Variants in ADGRV1 observed in about 807,000 individuals in gnomAD.
The protein encoded by ADGRV1 is G-protein coupled receptor 98.
A neutral mutation model predicts 596.2 loss-of-function variants in ADGRV1; 359 were observed. That is an observed-to-expected ratio of 0.60 (90% CI 0.55 to 0.66). The LOEUF is 0.66. ADGRV1 is among the 30% of genes least tolerant of loss of function. The pLI is 0.00. For missense variants in ADGRV1, 7,274 were observed against 7,575.6 expected, an observed-to-expected ratio of 0.96 and a Z score of 1.48; for synonymous variants, 2,681 against 2,679.2, an observed-to-expected ratio of 1.00 and a Z score of -0.02.
intron 87 of ADGRV1, among the ~76,000 whole-genome samples, chr5:91,123,529 C>T (rs1409921583): frequency 6.6e-6 from 1 of 152,104 alleles, no homozygotes; most frequent in African/African-American, 2.4e-5. Flanking sequence ...GCCCTCATGA[C>T]CTAATCACCT....
intron 50 of ADGRV1, among the ~76,000 whole-genome samples, chr5:90,738,298 T>C (rs781168289): frequency 5.9e-5 from 9 of 152,136 alleles, no homozygotes; most frequent in Non-Finnish European, 1.3e-4. Flanking sequence ...GCTACAGTTA[T>C]TTTTAATAGT....
intron 29 of ADGRV1, 27 bp downstream of exon 29, chr5:90,686,022 A>G (rs1745581946): frequency 6.8e-7 from 1 of 1,476,736 alleles, no homozygotes; most frequent in Non-Finnish European, 9.2e-7. Flanking sequence ...AAAAAGCAGT[A>G]CATACAGAGG....
intron 58 of ADGRV1, among the ~76,000 whole-genome samples, chr5:90,761,887 T>C (rs1418135444): frequency 1.3e-5 from 2 of 152,232 alleles, no homozygotes; most frequent in Non-Finnish European, 2.9e-5. Context: ...ATCCTGTCTT[T>C]CCTATCACAA....
chr5:91,022,664 T>TA (rs1783737333), intron 85 of ADGRV1, among the ~76,000 whole-genome samples: 1 of 152,266 alleles, frequency 6.6e-6, no homozygotes, highest in South Asian at 2.1e-4. Flanking sequence ...TTGAAATGGC[T>TA]AACACCCATT....
At position 90,821,496 on chromosome 5, in the gene ADGRV1, G is replaced by T. The variant is rs1464169553; in HGVS notation, c.16197-1929G>T. The stretch of plus-strand genomic sequence containing the variant: ...CTTTGGAGGAGGAGAGGCGCTCTGC[G>T]TTTTAGAGTTTCCAGTTTTTCTGTT... On this transcript the variant is annotated intron_variant, in intron 75 of 89. Coordinates refer to ENST00000405460, the MANE Select transcript of ADGRV1 (RefSeq NM_032119.4). Among the ~76,000 whole-genome samples, 1,068 of 150,846 alleles carry T rather than the reference G, an allele frequency of 7.1e-3. 6 individuals carry two copies. Among genetic ancestry groups the T allele is most frequent in the African/African-American group, 0.025 (1,017 of 40,996 alleles).
intron 85 of ADGRV1, among the ~76,000 whole-genome samples, chr5:91,015,104 A>G (rs1562092515): frequency 6.6e-6 from 1 of 151,976 alleles, no homozygotes; most frequent in African/African-American, 2.4e-5. Flanking sequence ...GTTTTGAAGA[A>G]CTTCTTGATT....
chr5:90,751,724 G>C (rs1247567078), intron 53 of ADGRV1, among the ~76,000 whole-genome samples: 1 of 152,014 alleles, frequency 6.6e-6, no homozygotes, highest in Admixed American at 6.5e-5. Context: ...TCATGGAACT[G>C]TCTCAAAAAA....
chr5:91,100,263 A>C (rs774068484), intron 86 of ADGRV1, among the ~76,000 whole-genome samples: 37 of 152,166 alleles, frequency 2.4e-4, no homozygotes, highest in Non-Finnish European at 5.9e-5. Flanking sequence ...CTATACAAAA[A>C]GTACAAAAAT....
intron 84 of ADGRV1, among the ~76,000 whole-genome samples, chr5:90,979,217 G>A (rs10056721): frequency 0.16 from 24,184 of 150,528 alleles, 2,665 homozygotes; most frequent in African/African-American, 0.31. Flanking sequence ...CACTGCAGCT[G>A]GAGTGCAGTG....
At chr5:90,735,900 A>G (rs562478584) in intron 50 of ADGRV1, among the ~76,000 whole-genome samples, 27 of 152,244 alleles carry the variant, frequency 1.8e-4, no homozygotes, top group Non-Finnish European at 3.1e-4. Context: ...TTTTCAATAT[A>G]TAAAACATGT....
chr5:90,798,538 A>G (rs1393575534), intron 70 of ADGRV1, among the ~76,000 whole-genome samples: 1 of 152,176 alleles, frequency 6.6e-6, no homozygotes, highest in Non-Finnish European at 1.5e-5. Flanking sequence ...ATGATTCCAA[A>G]CAAAAGAAAA....
intron 85 of ADGRV1, among the ~76,000 whole-genome samples, chr5:90,990,091 T>C (rs1322938602): frequency 6.6e-6 from 1 of 152,210 alleles, no homozygotes. Context: ...GCGCTGGGAT[T>C]ACAGGCGTGA....
intron 87 of ADGRV1, among the ~76,000 whole-genome samples, chr5:91,105,305 G>T (rs1791758297): frequency 6.6e-6 from 1 of 152,200 alleles, no homozygotes; most frequent in African/African-American, 2.4e-5. Flanking sequence ...ACATGGGTGT[G>T]CAGATGTCTC....
intron 1 of ADGRV1, among the ~76,000 whole-genome samples, chr5:90,562,945 A>T (rs1002691091): frequency 1.3e-5 from 2 of 151,968 alleles, no homozygotes; most frequent in Non-Finnish European, 1.5e-5. Flanking sequence ...CCCTAGGCAT[A>T]TTTTCTTTGT....
intron 11 of ADGRV1, among the ~76,000 whole-genome samples, chr5:90,640,354 T>A (rs1368112256): frequency 6.6e-6 from 1 of 152,224 alleles, no homozygotes; most frequent in Non-Finnish European, 1.5e-5. Context: ...AGGTATAGAT[T>A]TCTCTAGTTA....
intron 83 of ADGRV1, among the ~76,000 whole-genome samples, chr5:90,895,510 A>G (rs1771229498): frequency 1.3e-5 from 2 of 152,206 alleles, no homozygotes; most frequent in Non-Finnish European, 2.9e-5. Context: ...CAAAGTGGAC[A>G]TTGTAGCTGG....
chr5:90,941,824 G>A (rs1207729923), intron 83 of ADGRV1, among the ~76,000 whole-genome samples: 1 of 152,146 alleles, frequency 6.6e-6, no homozygotes, highest in Non-Finnish European at 1.5e-5. Context: ...AATGACTTTG[G>A]AAGTCAATAT....
intron 77 of ADGRV1, among the ~76,000 whole-genome samples, chr5:90,830,769 A>T (rs1045590624): frequency 6.6e-6 from 1 of 152,152 alleles, no homozygotes; most frequent in Admixed American, 6.6e-5. Flanking sequence ...GTACCCATAT[A>T]TCTGGTCAAA....
In ADGRV1 at chr5:90,811,190, T is replaced by G. The variant is rs757064663; in HGVS notation, c.15930T>G (p.Arg5310=). Residue 5310 remains arginine (R), a synonymous_variant, in exon 74 of 90, where the codon CGT becomes CGG. Transcript: ENST00000405460. Reference sequence around the variant, plus strand: ...TATTCCTAGATGGAGAAAGAGAACGTAAAGTATCAGTTCAAATTTTGGATG... The same window carrying G: ...TATTCCTAGATGGAGAAAGAGAACGGAAAGTATCAGTTCAAATTTTGGATG... ...TLIFLDGERE[R]KVSVQILDDD... 1 of 1,613,580 alleles carries G rather than the reference T, an allele frequency of 6.2e-7. No homozygotes were observed. Among genetic ancestry groups the G allele is most frequent in the Non-Finnish European group, 8.5e-7 (1 of 1,179,680 alleles).
Sources: allele counts gnomAD v4.1 joint callset (sites outside exome capture counted in the v4.1 genomes callset), GRCh38; gene constraint gnomAD v4.1.1; transcripts MANE v1.5; gene names NCBI Gene and HGNC (gene_info 2026-07-23, HGNC 2026-07-21).